WNT2: variants seen among roughly 807,000 people sequenced by gnomAD.
WNT2 encodes the protein Wnt family member 2, also known as protein Wnt-2.
In WNT2, 12 loss-of-function variants were observed where a neutral mutation model predicts 36.9. The ratio of observed to expected loss-of-function variants is 0.33; its 90% CI spans 0.21 to 0.53. The LOEUF is 0.53. WNT2 is among the 20% of genes least tolerant of loss of function. The pLI, the probability that WNT2 is intolerant of heterozygous loss-of-function variation, is 0.95. For missense variants in WNT2, 379 were observed against 473.1 expected, an observed-to-expected ratio of 0.80 and a Z score of 1.84; for synonymous variants, 163 against 174.6, an observed-to-expected ratio of 0.93 and a Z score of 0.52.
chr7:117,319,307 A>G (rs754154052), intron 2 of WNT2, among the ~76,000 whole-genome samples: 4 of 152,242 alleles, frequency 2.6e-5, no homozygotes, highest in Non-Finnish European at 4.4e-5. Context: ...GCAGAAGAAT[A>G]TAGTTCTTAA....
In WNT2 at chr7:117,322,420, C is replaced by A. The variant is rs376722097; in HGVS notation, c.83+487G>T. On this transcript the variant is annotated intron_variant, in intron 1 of 4. Transcript: ENST00000265441. The surrounding 1 kb of genome is among the most constrained non-coding windows in gnomAD (Gnocchi z 5.4). ...GGACGGGAAATAATACAAAGTCACA[C>A]GCTTTAGGTTCTACAACTCCTGACT... Among the ~76,000 whole-genome samples, 30 of 151,462 alleles carry A rather than the reference C, an allele frequency of 2.0e-4. No individual in the cohort carries two copies. The highest frequency in any genetic ancestry group is 1.6e-3 in the East Asian group (8 of 5,108).
At position 117,278,109 on chromosome 7, in the gene WNT2, A is replaced by G. The variant is rs767855198; in HGVS notation, c.*46T>C. On this transcript the variant is annotated 3_prime_UTR_variant, in exon 5 of 5. Transcript: ENST00000265441. ...AAGGTCCAGTGTTCTTGCAGATCCA[A>G]TGGAGTCCTTGTAGAAGGGAAGGTG... The G allele has an allele frequency of 1.2e-5, 19 of 1,591,810 alleles. No individual in the cohort carries two copies. The highest frequency in any genetic ancestry group is 5.4e-5 in the African/African-American group (4 of 74,584).
At chr7:117,294,066 A>AT (rs1416425642) in intron 4 of WNT2, among the ~76,000 whole-genome samples, 4 of 152,094 alleles carry the variant, frequency 2.6e-5, no homozygotes, top group African/African-American at 7.2e-5. Context: ...AACTTTATTT[A>AT]TTTTTTATTT....
intron 4 of WNT2, among the ~76,000 whole-genome samples, chr7:117,283,735 G>A (rs1289657242): frequency 6.6e-6 from 1 of 152,168 alleles, no homozygotes; most frequent in East Asian, 1.9e-4. Flanking sequence ...ACTCAGAAGT[G>A]GTTTCAGTAA....
In WNT2 at chr7:117,291,961, G is replaced by C. The variant is rs186204204; in HGVS notation, c.853+5651C>G. Among the ~76,000 whole-genome samples the C allele has an allele frequency of 1.9e-4, 29 of 152,114 alleles. No homozygotes were observed. In the East Asian group the frequency reaches 5.6e-3, roughly 29 times the overall value. ...CCTGGCTAATTTTGTATTTTTAGTAGAGATGGGGTTTGTTCATGTTGGTCA... is the reference window on the plus strand; with the variant it reads ...CCTGGCTAATTTTGTATTTTTAGTACAGATGGGGTTTGTTCATGTTGGTCA... On this transcript the variant is annotated intron_variant, in intron 4 of 4. Transcript: ENST00000265441.
rs926641945 is a variant in WNT2 at position 117,289,161 on chromosome 7, G to T, written c.853+8451C>A. ...TGCAAGCTCTGCCTCCCAGGTTCAC[G>T]CTATTCTCCTGTCAGCCTCCTGAGT... On this transcript the variant is annotated intron_variant, in intron 4 of 4. Transcript: ENST00000265441. 6.3e-5 allele frequency among the ~76,000 whole-genome samples: 9 copies of T among 143,586 alleles called. No individual in the cohort carries two copies. The East Asian group carries it at 2.0e-3, about 32-fold the overall frequency. 94.2% of individuals were successfully genotyped at this position (143,586 alleles called of 152,430 possible). A position where few individuals can be genotyped will look rare whatever the true frequency, so the allele number is the denominator to read the frequency against.
intron 4 of WNT2, among the ~76,000 whole-genome samples, chr7:117,290,816 C>T (rs1368141319): frequency 6.6e-6 from 1 of 152,212 alleles, no homozygotes; most frequent in Admixed American, 6.5e-5. Context: ...TTTCCTCAAT[C>T]CTGCGTTCCC....
At chr7:117,318,427 A>G (rs1795260538) in intron 2 of WNT2, among the ~76,000 whole-genome samples, 1 of 152,246 alleles carries the variant, frequency 6.6e-6, no homozygotes, top group Non-Finnish European at 1.5e-5. Flanking sequence ...ATGGAAAGAA[A>G]TTGTGTAGCA....
At chr7:117,316,495 A>G (rs1473895977) in intron 2 of WNT2, among the ~76,000 whole-genome samples, 1 of 152,228 alleles carries the variant, frequency 6.6e-6, no homozygotes. Flanking sequence ...TGGTGATTCA[A>G]TATGTCAAGA....
intron 3 of WNT2, among the ~76,000 whole-genome samples, chr7:117,311,637 C>A (rs1795124353): frequency 6.6e-6 from 1 of 152,166 alleles, no homozygotes; most frequent in South Asian, 2.1e-4. Context: ...TAGAAGATGA[C>A]TCTATAGATA....
intron 3 of WNT2, among the ~76,000 whole-genome samples, chr7:117,305,165 T>A (rs1794992642): frequency 6.6e-6 from 1 of 152,214 alleles, no homozygotes; most frequent in Non-Finnish European, 1.5e-5. Flanking sequence ...CAGCATTTTC[T>A]TCAATCACAA....
chr7:117,308,692 T>C (rs1795062936), intron 3 of WNT2, among the ~76,000 whole-genome samples: 1 of 152,186 alleles, frequency 6.6e-6, no homozygotes, highest in African/African-American at 2.4e-5. Context: ...CTCAAGATTG[T>C]TGAAGGGAGG....
At chr7:117,316,915 G>T (rs987227052) in intron 2 of WNT2, among the ~76,000 whole-genome samples, 1 of 152,174 alleles carries the variant, frequency 6.6e-6, no homozygotes, top group African/African-American at 2.4e-5. Context: ...TGTAAAAGAA[G>T]GCGACTAATA....
chr7:117,305,555 C>T (rs1026622868), intron 3 of WNT2, among the ~76,000 whole-genome samples: 5 of 152,136 alleles, frequency 3.3e-5, no homozygotes, highest in African/African-American at 7.2e-5. Context: ...AATCCTTGGA[C>T]AGTCTCTTCA....
rs1028840427 is a variant in WNT2, at chr7:117,320,953, G to A, written c.84-160C>T. Among the ~76,000 whole-genome samples, 9 of 152,182 alleles carry A rather than the reference G, an allele frequency of 5.9e-5. 1 individual carries two copies. The highest frequency in any genetic ancestry group is 2.0e-4 in the Admixed American group (3 of 15,278). On this transcript the variant is annotated intron_variant, in intron 1 of 4. Transcript: ENST00000265441. ...AAGGGTATTTACTTTTTAATTTAGT[G>A]GAGAAACCGGCAAGGCAGGCAGGCG...
chr7:117,315,345 C>A lies in WNT2; in HGVS notation c.314G>T (p.Ser105Ile). ...GGCATAAACAAAGGCAGATTCCCGA[C>A]TACCTGAAACAAAAATGCTTTTCTT... ...SLFGRVLLRS[S>I]RESAFVYAIS... Residue 105 changes from serine to isoleucine, a missense_variant, in exon 3 of 5, where the codon AGT becomes ATT. Coordinates refer to ENST00000265441, the MANE Select transcript of WNT2 (RefSeq NM_003391.3). The A allele has an allele frequency of 6.2e-6, 10 of 1,609,920 alleles. No individual in the cohort carries two copies. The highest frequency in any genetic ancestry group is 8.5e-6 in the Non-Finnish European group (10 of 1,178,208).
intron 3 of WNT2, among the ~76,000 whole-genome samples, chr7:117,299,032 T>G (rs1410637985): frequency 6.6e-6 from 1 of 151,868 alleles, no homozygotes; most frequent in Non-Finnish European, 1.5e-5. Flanking sequence ...GAGCCACCCC[T>G]GGAGGGCAAG....
At chr7:117,310,881 T>C (rs1795109021) in intron 3 of WNT2, among the ~76,000 whole-genome samples, 1 of 152,226 alleles carries the variant, frequency 6.6e-6, no homozygotes, top group Non-Finnish European at 1.5e-5. Context: ...TGGCTGATTA[T>C]GTTATTATAC....
At chr7:117,318,693 A>G (rs1053831450) in intron 2 of WNT2, among the ~76,000 whole-genome samples, 3 of 152,122 alleles carry the variant, frequency 2.0e-5, no homozygotes, top group African/African-American at 7.2e-5. Context: ...ATGTACCACC[A>G]CACCCATGGG....
Sources: gnomAD v4.1 joint callset for allele counts (sites outside exome capture counted in the v4.1 genomes callset) on GRCh38, gnomAD v4.1.1 for gene constraint, Gnocchi (gnomAD v3.1) non-coding constraint, MANE v1.5 for transcripts, NCBI Gene and HGNC (gene_info 2026-07-23, HGNC 2026-07-21) for gene names.